Variants in CFAP92 observed in about 807,000 individuals in gnomAD.
The protein encoded by CFAP92 is cilia and flagella associated protein 92 (putative).
CFAP92 carries 86 observed loss-of-function variants against 106.3 expected under a neutral mutation model. That is an observed-to-expected ratio of 0.81 (90% CI 0.68 to 0.97). CFAP92 has a LOEUF of 0.97. Among genes scored for constraint, CFAP92 ranks in the 50% least tolerant of loss-of-function variants. The pLI is 0.00. For synonymous variants in CFAP92, 477 were observed against 506.4 expected (o/e 0.94, Z 0.78); for missense variants, 1,204 against 1,283.8 (o/e 0.94, Z 0.95).
At chr3:129,015,816 CTT>C in the CFAP92 span, among the ~76,000 whole-genome samples, 1 of 150,246 alleles carries the variant, frequency 6.7e-6, no homozygotes, top group Non-Finnish European at 1.5e-5. Context: ...CTGTTGTTCT[CTT>C]GTTTTCACAT....
intron 9 of CFAP92, among the ~76,000 whole-genome samples, chr3:128,946,279 C>G (rs931656970): frequency 1.3e-5 from 2 of 152,118 alleles, no homozygotes; most frequent in Non-Finnish European, 1.5e-5. Context: ...TTTTTCATAC[C>G]TGTACTTCTA....
At chr3:129,010,760 G>C in the CFAP92 span, among the ~76,000 whole-genome samples, 1 of 152,218 alleles carries the variant, frequency 6.6e-6, no homozygotes, top group East Asian at 1.9e-4. This position sits in a 1 kb window ranked among gnomAD's most constrained non-coding sequence, Gnocchi z 4.3. Flanking sequence ...CGTCCTTGGA[G>C]GTGGGTGTGT....
At position 128,977,047 on chromosome 3, in the gene CFAP92, G is replaced by C; in HGVS notation, c.828C>G (p.Pro276=). 6.2e-7 allele frequency: 1 copy of C among 1,613,652 alleles called. No homozygotes were observed. Among genetic ancestry groups the C allele is most frequent in the East Asian group, 2.2e-5 (1 of 44,868 alleles). ...KSLQGSHQAE[P]ETSSKNSEEY... The stretch of plus-strand genomic sequence containing the variant: ...CCTCACTGTTCTTGGAAGAAGTTTC[G>C]GGCTCTGCTTGGTGAGAACCTGAAA... Residue 276 remains proline, a synonymous_variant, in exon 6 of 16, where the codon CCC becomes CCG. Transcript: ENST00000645291.
rs1943945838 is a variant in CFAP92 at position 128,987,723 on chromosome 3, AT to A, written c.559del (p.Ile187SerfsTer3). On this transcript the variant is annotated frameshift_variant, in exon 4 of 16. Transcript: ENST00000645291. LOFTEE classifies it high-confidence loss of function. ...ELLKKINFHKITLRLWNTKDK... is the reference protein window; with the variant it reads ...ELLKKINFHKXTLRLWNTKDK... ...TTTAGTGTTCCAGAGCCTCAAGGTG[AT>A]TTTGTGGAAATTTATTTTCTTTAAT... 6.2e-7 allele frequency: 1 copy of A among 1,613,770 alleles called. No individual in the cohort carries two copies. Among genetic ancestry groups the A allele is most frequent in the Non-Finnish European group, 8.5e-7 (1 of 1,179,828 alleles).
intron 10 of CFAP92, among the ~76,000 whole-genome samples, chr3:128,943,519 T>A (rs1559878523): frequency 6.6e-6 from 1 of 152,062 alleles, no homozygotes; most frequent in Non-Finnish European, 1.5e-5. Flanking sequence ...TTGAGATATG[T>A]GTATCAGTAT....
Position 128,951,007 on chromosome 3 carries a change from C to A in CFAP92, c.1354-5032G>T, listed in dbSNP as rs577302217. Among the ~76,000 whole-genome samples, 35 of 152,274 alleles carry A rather than the reference C, an allele frequency of 2.3e-4. No individual in the cohort carries two copies. In the South Asian group the frequency reaches 7.1e-3, roughly 31 times the overall value. On this transcript the variant is annotated intron_variant, in intron 9 of 15. Transcript: ENST00000645291. ...TTTTTAAGGACGGTAGTCTCAGGCC[C>A]ACTCTGTTCACTCTTTTCTGAACAT...
At chr3:129,025,832 C>G in the CFAP92 span, among the ~76,000 whole-genome samples, 6 of 152,246 alleles carry the variant, frequency 3.9e-5, no homozygotes, top group Non-Finnish European at 7.3e-5. Context: ...GTGTCCTCAT[C>G]TGTCCTGCTC....
the CFAP92 span, among the ~76,000 whole-genome samples, chr3:129,011,233 A>G: frequency 6.6e-6 from 1 of 152,214 alleles, no homozygotes. Context: ...AAGTGCCTAT[A>G]ATAATGAAAG....
intron 12 of CFAP92, 132 bp from the exon 13 acceptor site, chr3:128,916,403 G>A: frequency 1.7e-6 from 1 of 596,624 alleles, no homozygotes; most frequent in Non-Finnish European, 2.4e-6. Flanking sequence ...TACTGGTGCT[G>A]TTATTTCATC....
At chr3:128,976,665 C>A (rs553479000) in intron 6 of CFAP92, among the ~76,000 whole-genome samples, 44 of 152,150 alleles carry the variant, frequency 2.9e-4, no homozygotes, top group Non-Finnish European at 2.9e-5. Flanking sequence ...CCTGGCTTAA[C>A]CAGGAATTCT....
chr3:128,976,828 A>G, intron 6 of CFAP92, 151 bp downstream of exon 6: 1 of 642,822 alleles, frequency 1.6e-6, no homozygotes, highest in Non-Finnish European at 2.8e-6. Context: ...ACTCATAAAC[A>G]CAAGCTACCC....
rs1161393160 is a variant in CFAP92, at chr3:128,977,925, C to A, written c.808+120G>T. 4.6e-6 allele frequency: 6 copies of A among 1,302,180 alleles called. No individual in the cohort carries two copies. The East Asian group carries it at 1.4e-4, about 30-fold the overall frequency. The allele number at this position is 1,302,180 out of a possible 1,614,324, so 80.7% of individuals were successfully genotyped here. A position where few individuals can be genotyped will look rare whatever the true frequency, so the allele number is the denominator to read the frequency against. ...GTGTGGCAGGGTGAGCCCCGCCCGC[C>A]TCTGCTGCCAATACACAGGAGGGAC... On this transcript the variant is annotated intron_variant, in intron 5 of 15. Coordinates refer to ENST00000645291, the MANE Select transcript of CFAP92 (RefSeq NM_001394090.1).
intron 10 of CFAP92, among the ~76,000 whole-genome samples, chr3:128,936,630 C>T (rs1227304347): frequency 2.0e-5 from 3 of 152,178 alleles, no homozygotes; most frequent in Admixed American, 6.5e-5. Context: ...ACTGACACCA[C>T]CTGCTGCGAC....
At chr3:129,001,335 G>A (rs1392788940) in intron 1 of CFAP92, among the ~76,000 whole-genome samples, 1 of 152,236 alleles carries the variant, frequency 6.6e-6, no homozygotes, top group Admixed American at 6.5e-5. Flanking sequence ...AGTGAGGAGA[G>A]GAGAGCGTGG....
chr3:128,960,577 G>A lies in CFAP92; in HGVS notation c.1353+4934C>T, dbSNP rs560624177. On this transcript the variant is annotated intron_variant, in intron 9 of 15. Coordinates refer to ENST00000645291, the MANE Select transcript of CFAP92 (RefSeq NM_001394090.1). ...GACCCAAAACTCCGGCGCCGGTCAC[G>A]GACTGGGAAGGCAGCCTTCCCTTGG... Among the ~76,000 whole-genome samples the A allele has an allele frequency of 2.1e-3, 319 of 152,314 alleles. 2 individuals are homozygous for A. Among genetic ancestry groups the A allele is most frequent in the African/African-American group, 7.1e-3 (297 of 41,566 alleles).
At chr3:128,928,564 A>G (rs1937968260) in intron 12 of CFAP92, among the ~76,000 whole-genome samples, 1 of 152,224 alleles carries the variant, frequency 6.6e-6, no homozygotes, top group South Asian at 2.1e-4. Flanking sequence ...ATGGGGGAAT[A>G]GCTAGTCTTT....
At chr3:128,934,696 A>G (rs1938790751) in intron 11 of CFAP92, among the ~76,000 whole-genome samples, 1 of 151,488 alleles carries the variant, frequency 6.6e-6, no homozygotes. Flanking sequence ...ACACCTGGCT[A>G]ATTTTTGTAT....
the CFAP92 span, among the ~76,000 whole-genome samples, chr3:129,025,214 GACTCCTCCTAGA>G: frequency 6.6e-6 from 1 of 152,188 alleles, no homozygotes; most frequent in Non-Finnish European, 1.5e-5. Flanking sequence ...CGTTGGCTGA[GACTCCTCCTAGA>G]GCGAGTGCAC....
intron 12 of CFAP92, among the ~76,000 whole-genome samples, chr3:128,922,864 C>T (rs998888761): frequency 2.0e-5 from 3 of 152,206 alleles, no homozygotes; most frequent in Non-Finnish European, 2.9e-5. Flanking sequence ...AGTGGACCCA[C>T]CTGTATGGTG....
Sources: allele counts gnomAD v4.1 joint callset (sites outside exome capture counted in the v4.1 genomes callset), GRCh38; gene constraint gnomAD v4.1.1; non-coding constraint Gnocchi (gnomAD v3.1); transcripts MANE v1.5; gene names NCBI Gene and HGNC (gene_info 2026-07-23, HGNC 2026-07-21).